Variants in LRRC4C observed in about 807,000 individuals in gnomAD.
LRRC4C encodes the protein leucine rich repeat containing 4C.
Under a neutral mutation model 33.6 loss-of-function variants are expected in LRRC4C, and 5 were observed. The observed-to-expected ratio is 0.15, with a 90% CI of 0.08 to 0.31. The LOEUF (loss-of-function observed/expected upper bound fraction) is 0.31. LRRC4C is among the 10% of genes least tolerant of loss of function. LRRC4C has a pLI of 1.00. For missense variants in LRRC4C, 560 were observed against 796.7 expected, an observed-to-expected ratio of 0.70 and a Z score of 3.58; for synonymous variants, 329 against 302.0, an observed-to-expected ratio of 1.09 and a Z score of -0.93.
chr11:40,836,190 C>G (rs938421102), intron 2 of LRRC4C, among the ~76,000 whole-genome samples: 1 of 152,176 alleles, frequency 6.6e-6, no homozygotes, highest in Non-Finnish European at 1.5e-5. Context: ...CCCAACCTCA[C>G]CAATCTTCTC....
At chr11:41,084,622 G>T (rs1033798914) in intron 1 of LRRC4C, among the ~76,000 whole-genome samples, 1 of 152,132 alleles carries the variant, frequency 6.6e-6, no homozygotes, top group African/African-American at 2.4e-5. Context: ...GCCGAGGCGG[G>T]TGGATCACCT....
intron 3 of LRRC4C, among the ~76,000 whole-genome samples, chr11:40,329,591 T>C (rs1347332399): frequency 6.6e-6 from 1 of 152,086 alleles, no homozygotes; most frequent in Non-Finnish European, 1.5e-5. Context: ...GAAATGTAAT[T>C]TCAGCTCAAC....
At chr11:40,361,710 C>T (rs1176287442) in intron 3 of LRRC4C, among the ~76,000 whole-genome samples, 2 of 152,098 alleles carry the variant, frequency 1.3e-5, no homozygotes, top group African/African-American at 4.8e-5. Flanking sequence ...TATTAAACTA[C>T]CAGTTCCCAT....
At chr11:41,261,588 T>C (rs1361935479) in intron 1 of LRRC4C, among the ~76,000 whole-genome samples, 1 of 152,092 alleles carries the variant, frequency 6.6e-6, no homozygotes, top group African/African-American at 2.4e-5. Flanking sequence ...AAGGAAATAC[T>C]ATTAATAGTT....
intron 3 of LRRC4C, among the ~76,000 whole-genome samples, chr11:40,570,490 T>A (rs1326876244): frequency 6.6e-6 from 1 of 152,166 alleles, no homozygotes; most frequent in African/African-American, 2.4e-5. Flanking sequence ...TTAGACTATG[T>A]AAAATGGTTG....
chr11:41,202,931 A>C (rs2136273636), intron 1 of LRRC4C, among the ~76,000 whole-genome samples: 1 of 152,130 alleles, frequency 6.6e-6, no homozygotes, highest in South Asian at 2.1e-4. Flanking sequence ...GATTACAGGC[A>C]TGTGCCACCA....
chr11:40,949,997 G>A (rs767676267), intron 1 of LRRC4C, among the ~76,000 whole-genome samples: 8 of 151,156 alleles, frequency 5.3e-5, no homozygotes, highest in Non-Finnish European at 8.9e-5. Flanking sequence ...ACACACATAC[G>A]CAAGAGGAAA....
At chr11:41,445,449 G>A (rs1302708230) in intron 1 of LRRC4C, among the ~76,000 whole-genome samples, 1 of 152,134 alleles carries the variant, frequency 6.6e-6, no homozygotes, top group Non-Finnish European at 1.5e-5. Context: ...AAGGGATGGA[G>A]TAGGCTATAA....
rs998065497 is a variant in LRRC4C at position 40,858,619 on chromosome 11, A to G, written c.-407+75016T>C. 3.4e-5 allele frequency among the ~76,000 whole-genome samples: 5 copies of G among 149,056 alleles called. No homozygotes were observed. The East Asian group carries it at 8.1e-4, about 24-fold the overall frequency. On this transcript the variant is annotated intron_variant, in intron 2 of 6. Coordinates refer to ENST00000528697, the MANE Select transcript of LRRC4C (RefSeq NM_001258419.2). ...TGAGGCGGGAGAATTGCTTGAACCC[A>G]GGAGCCAGAGGTTGCAGTGAGCCAA...
At chr11:40,554,447 T>C (rs1396070465) in intron 3 of LRRC4C, among the ~76,000 whole-genome samples, 2 of 152,204 alleles carry the variant, frequency 1.3e-5, no homozygotes, top group Non-Finnish European at 2.9e-5. Flanking sequence ...ATTTGGACTC[T>C]CTTTTGGTTC....
intron 1 of LRRC4C, among the ~76,000 whole-genome samples, chr11:41,132,720 A>C (rs1418933202): frequency 2.0e-5 from 3 of 152,166 alleles, no homozygotes; most frequent in Admixed American, 2.0e-4. Context: ...TAATGAAATA[A>C]ATTGTGTCTT....
intron 1 of LRRC4C, among the ~76,000 whole-genome samples, chr11:41,047,203 G>A (rs1440868361): frequency 4.6e-5 from 7 of 151,760 alleles, no homozygotes; most frequent in South Asian, 2.1e-4. Context: ...TTAAAAATTC[G>A]CAAAAAATTT....
At chr11:40,789,530 A>C (rs1408018799) in intron 2 of LRRC4C, among the ~76,000 whole-genome samples, 1 of 152,084 alleles carries the variant, frequency 6.6e-6, no homozygotes, top group African/African-American at 2.4e-5. Context: ...TGACATCCTC[A>C]CTAAGTCAAT....
intron 2 of LRRC4C, among the ~76,000 whole-genome samples, chr11:40,659,050 C>T (rs1943278547): frequency 6.6e-6 from 1 of 152,166 alleles, no homozygotes; most frequent in African/African-American, 2.4e-5. Context: ...GGCTCTGGAC[C>T]CAGGCATTGC....
chr11:40,708,891 C>T (rs999537383), intron 2 of LRRC4C, among the ~76,000 whole-genome samples: 2 of 152,058 alleles, frequency 1.3e-5, no homozygotes, highest in African/African-American at 4.8e-5. Context: ...TCTGGGTGCT[C>T]CTGTATTATT....
chr11:40,844,579 C>T (rs1305765070), intron 2 of LRRC4C, among the ~76,000 whole-genome samples: 1 of 152,098 alleles, frequency 6.6e-6, no homozygotes, highest in Non-Finnish European at 1.5e-5. Context: ...AAGCCTGGAT[C>T]TTGGTATGAT....
At chr11:41,347,710 T>C (rs1304138993) in intron 1 of LRRC4C, among the ~76,000 whole-genome samples, 1 of 152,146 alleles carries the variant, frequency 6.6e-6, no homozygotes, top group Non-Finnish European at 1.5e-5. Flanking sequence ...CTTTAAAACG[T>C]GTTGCATAAA....
chr11:40,218,387 A>G (rs569239708), intron 5 of LRRC4C, among the ~76,000 whole-genome samples: 8 of 152,184 alleles, frequency 5.3e-5, no homozygotes, highest in Non-Finnish European at 1.0e-4. Context: ...ATGTTGCTCA[A>G]TGTGATGGGG....
chr11:40,466,093 T>C (rs964564801), intron 3 of LRRC4C, among the ~76,000 whole-genome samples: 5 of 151,992 alleles, frequency 3.3e-5, no homozygotes, highest in African/African-American at 7.2e-5. Context: ...TAAAAAAGAA[T>C]GAAATCATGT....
Sources: allele counts gnomAD v4.1 joint callset (sites outside exome capture counted in the v4.1 genomes callset), GRCh38; gene constraint gnomAD v4.1.1; transcripts MANE v1.5; gene names NCBI Gene and HGNC (gene_info 2026-07-23, HGNC 2026-07-21).